Variants in CDH13 observed in about 807,000 individuals in gnomAD.
CDH13 encodes the protein cadherin-13.
In CDH13, 24 loss-of-function variants were observed where a neutral mutation model predicts 63.8. The observed-to-expected ratio is 0.38, with a 90% confidence interval of 0.27 to 0.53. The LOEUF is 0.53. Ranked by LOEUF, CDH13 falls within the 20% of genes least tolerant of loss-of-function variation. The pLI is 0.85. For synonymous variants in CDH13, 503 were observed against 355.3 expected (o/e 1.42, Z -4.67); for missense variants, 1,049 against 903.1 (o/e 1.16, Z -2.07).
intron 2 of CDH13, among the ~76,000 whole-genome samples, chr16:82,999,226 A>G (rs2096966655): frequency 6.6e-6 from 1 of 152,008 alleles, no homozygotes; most frequent in Admixed American, 6.6e-5. Flanking sequence ...ATACTCCTTA[A>G]TGTTACTAGC....
intron 11 of CDH13, among the ~76,000 whole-genome samples, chr16:83,772,271 G>A (rs997080579): frequency 6.6e-6 from 1 of 152,176 alleles, no homozygotes; most frequent in Non-Finnish European, 1.5e-5. Flanking sequence ...AGCTAGGAGG[G>A]AACATATGAG....
intron 1 of CDH13, among the ~76,000 whole-genome samples, chr16:82,839,561 C>G (rs2038919547): frequency 6.6e-6 from 1 of 152,188 alleles, no homozygotes; most frequent in Admixed American, 6.5e-5. Flanking sequence ...CCTCCCTTGG[C>G]CCTGCTCCAA....
At chr16:82,690,876 A>C (rs1915579358) in intron 1 of CDH13, among the ~76,000 whole-genome samples, 2 of 152,200 alleles carry the variant, frequency 1.3e-5, no homozygotes, top group South Asian at 4.1e-4. Flanking sequence ...CCCATCATGG[A>C]CCAGAAGCAG....
chr16:83,349,613 C>T (rs1301038800), intron 6 of CDH13, among the ~76,000 whole-genome samples: 1 of 149,304 alleles, frequency 6.7e-6, no homozygotes, highest in Non-Finnish European at 1.5e-5. Flanking sequence ...ATTATTATCA[C>T]TATTGAGACG....
At chr16:83,041,337 A>G (rs1917314192) in intron 3 of CDH13, among the ~76,000 whole-genome samples, 1 of 152,190 alleles carries the variant, frequency 6.6e-6, no homozygotes, top group Admixed American at 6.5e-5. Flanking sequence ...CAAACATGCA[A>G]TTTAAAAGAC....
At chr16:82,976,632 C>A (rs552993246) in intron 2 of CDH13, among the ~76,000 whole-genome samples, 33 of 152,260 alleles carry the variant, frequency 2.2e-4, no homozygotes, top group Middle Eastern at 3.4e-3. Context: ...GAGATTGAGA[C>A]TTGCTTGCAG....
chr16:83,195,861 G>A (rs2038863982), intron 4 of CDH13, among the ~76,000 whole-genome samples: 1 of 152,214 alleles, frequency 6.6e-6, no homozygotes, highest in East Asian at 1.9e-4. Context: ...AAGGAAGTCA[G>A]TGGAGGAAGG....
intron 1 of CDH13, among the ~76,000 whole-genome samples, chr16:82,632,893 G>T (rs113490131): frequency 0.013 from 1,914 of 152,074 alleles, 32 homozygotes; most frequent in African/African-American, 0.044. Flanking sequence ...GACACTGACA[G>T]ATCATCAGGC....
chr16:83,093,898 G>A (rs1019610614), intron 3 of CDH13, among the ~76,000 whole-genome samples: 12 of 152,182 alleles, frequency 7.9e-5, no homozygotes, highest in East Asian at 3.9e-4. Flanking sequence ...TGGGAACTCC[G>A]TAAAAGAGGC....
chr16:82,883,096 G>T (rs903830620), intron 2 of CDH13, among the ~76,000 whole-genome samples: 8 of 152,114 alleles, frequency 5.3e-5, no homozygotes, highest in African/African-American at 1.9e-4. Context: ...ATCACCTGAG[G>T]CTGTGACAAT....
At chr16:82,883,455 G>C (rs1471265875) in intron 2 of CDH13, among the ~76,000 whole-genome samples, 1 of 152,196 alleles carries the variant, frequency 6.6e-6, no homozygotes, top group Non-Finnish European at 1.5e-5. Context: ...TTCACAATGA[G>C]TATGATCAGG....
In CDH13 at chr16:83,799,966, ATAATT is replaced by A. The variant is rs1396468115; in HGVS notation, c.*4940_*4944del. ...TATATAATTTAAGAAGAGTCAGTCTATAATTTAAGCAGAAATAATTGAGATACTCA... is the reference window on the plus strand; with the variant it reads ...TATATAATTTAAGAAGAGTCAGTCTATAAGCAGAAATAATTGAGATACTCA... On this transcript the variant is annotated 3_prime_UTR_variant, in exon 14 of 14. Transcript: ENST00000567109. The A allele has an allele frequency of 3.3e-5, 5 of 152,256 alleles. No individual in the cohort carries two copies. Among genetic ancestry groups the A allele is most frequent in the East Asian group, 1.9e-4 (1 of 5,202 alleles). 9.4% of individuals were successfully genotyped at this position (152,256 alleles called of 1,614,324 possible).
At chr16:83,748,835 C>T (rs254345) in intron 11 of CDH13, among the ~76,000 whole-genome samples, 35,562 of 152,106 alleles carry the variant, frequency 0.23, 4,733 homozygotes, top group Non-Finnish European at 0.31. Context: ...ATGGAGCTGA[C>T]GTGCAGAAAG....
intron 6 of CDH13, among the ~76,000 whole-genome samples, chr16:83,482,430 C>A (rs1003859267): frequency 1.1e-4 from 17 of 152,320 alleles, no homozygotes; most frequent in African/African-American, 3.6e-4. Context: ...ATGCTGTAAG[C>A]GTGCTTAATA....
intron 6 of CDH13, among the ~76,000 whole-genome samples, chr16:83,463,984 G>C (rs1356794966): frequency 6.6e-6 from 1 of 152,202 alleles, no homozygotes; most frequent in Non-Finnish European, 1.5e-5. Context: ...AGCAGGAGAA[G>C]GGGGTCGTCT....
chr16:83,525,885 AG>A (rs1650394758), intron 7 of CDH13, among the ~76,000 whole-genome samples: 2 of 152,194 alleles, frequency 1.3e-5, no homozygotes, highest in African/African-American at 4.8e-5. Context: ...TTGAAGACAG[AG>A]GAGGGGCCAC....
chr16:83,451,538 G>C (rs1399760918), intron 6 of CDH13, among the ~76,000 whole-genome samples: 1 of 151,956 alleles, frequency 6.6e-6, no homozygotes, highest in African/African-American at 2.4e-5. Flanking sequence ...TTGCTTTTTT[G>C]AGACAGGCTC....
intron 11 of CDH13, among the ~76,000 whole-genome samples, chr16:83,777,675 C>G (rs930905617): frequency 1.6e-4 from 24 of 152,376 alleles, no homozygotes; most frequent in African/African-American, 5.3e-4. Context: ...AATAAGCTGT[C>G]TGCATCTAAA....
chr16:82,778,079 C>A (rs1026212066), intron 1 of CDH13, among the ~76,000 whole-genome samples: 3 of 152,198 alleles, frequency 2.0e-5, no homozygotes, highest in African/African-American at 7.2e-5. Flanking sequence ...GAGGGGATTA[C>A]ACAAGGACAT....
Sources: gnomAD v4.1 joint callset for allele counts (sites outside exome capture counted in the v4.1 genomes callset) on GRCh38, gnomAD v4.1.1 for gene constraint, MANE v1.5 for transcripts, NCBI Gene and HGNC (gene_info 2026-07-23, HGNC 2026-07-21) for gene names.